The following SH3RF1 variants were observed in gnomAD, a reference collection of about 807,000 sequenced individuals.
The protein encoded by SH3RF1 is SH3 domain containing ring finger 1, also known as E3 ubiquitin-protein ligase SH3RF1.
SH3RF1 carries 32 observed loss-of-function variants against 74.0 expected under a neutral mutation model. That is an observed-to-expected ratio of 0.43 (90% CI 0.33 to 0.58). The LOEUF (loss-of-function observed/expected upper bound fraction) is 0.58, where lower values mean the gene tolerates loss of function less well. Among genes scored for constraint, SH3RF1 ranks in the 20% least tolerant of loss-of-function variants. SH3RF1 has a pLI of 0.05. For synonymous variants in SH3RF1, 396 were observed against 439.6 expected (o/e 0.90, Z 1.24); for missense variants, 954 against 1,130.9 (o/e 0.84, Z 2.24).
At chr4:169,149,739 A>C (rs576266977) in intron 4 of SH3RF1, among the ~76,000 whole-genome samples, 3 of 152,190 alleles carry the variant, frequency 2.0e-5, no homozygotes, top group Non-Finnish European at 4.4e-5. Context: ...AAAATAATAC[A>C]TCTAAAGGAA....
chr4:169,107,209 GA>G lies in SH3RF1; in HGVS notation c.2140-5del, dbSNP rs138002946. ...TCAACAAACCCTTTTTTTCTTTCTG[GA>G]AAAAAAAAATAATGAGCCTTAGTTG... On this transcript the variant is annotated splice_polypyrimidine_tract_variant and splice_region_variant and intron_variant, in intron 10 of 11. Transcript: ENST00000284637. 14,520 of 1,400,728 alleles carry G rather than the reference GA, an allele frequency of 0.01. 1,051 individuals carry two copies. In the African/African-American group the frequency reaches 0.17, roughly 17 times the overall value. The allele number at this position is 1,400,728 out of a possible 1,614,324, so 86.8% of individuals were successfully genotyped here.
At chr4:169,215,341 G>T (rs1284592233) in intron 2 of SH3RF1, among the ~76,000 whole-genome samples, 2 of 152,102 alleles carry the variant, frequency 1.3e-5, no homozygotes, top group African/African-American at 4.8e-5. Context: ...ATACATTGTT[G>T]CATTTGATTT....
At chr4:169,150,133 A>C (rs1733951531) in intron 4 of SH3RF1, among the ~76,000 whole-genome samples, 1 of 152,236 alleles carries the variant, frequency 6.6e-6, no homozygotes, top group African/African-American at 2.4e-5. Context: ...TGATTTGTCT[A>C]TGGTTGATTC....
At chr4:169,210,053 C>G (rs1730332888) in intron 2 of SH3RF1, among the ~76,000 whole-genome samples, 1 of 152,186 alleles carries the variant, frequency 6.6e-6, no homozygotes, top group African/African-American at 2.4e-5. Context: ...GTCTTGGCCT[C>G]CCAAAATGGT....
intron 2 of SH3RF1, among the ~76,000 whole-genome samples, chr4:169,237,037 T>C (rs1730833363): frequency 6.6e-6 from 1 of 152,166 alleles, no homozygotes; most frequent in Non-Finnish European, 1.5e-5. Context: ...CACGCTCCCT[T>C]CTCAATGAAC....
chr4:169,123,274 C>T (rs1733470455), intron 6 of SH3RF1, among the ~76,000 whole-genome samples: 1 of 152,182 alleles, frequency 6.6e-6, no homozygotes, highest in African/African-American at 2.4e-5. Context: ...ATTTCATCAC[C>T]ATTCACTATA....
chr4:169,169,109 C>T (rs978488276), intron 2 of SH3RF1, among the ~76,000 whole-genome samples: 14 of 152,106 alleles, frequency 9.2e-5, no homozygotes, highest in African/African-American at 3.4e-4. Context: ...GTGCATATTA[C>T]TGTTACTGTT....
At position 169,168,585 on chromosome 4, in the gene SH3RF1, TA is replaced by T. The variant is rs566327835; in HGVS notation, c.394-11907del. Reference sequence around the variant, plus strand: ...GTAAGTCTGATTGGAACTCGCTGAATAAAAAAATACAGGCTTAAACTCATGC... The same window carrying T: ...GTAAGTCTGATTGGAACTCGCTGAATAAAAAATACAGGCTTAAACTCATGC... On this transcript the variant is annotated intron_variant, in intron 2 of 11. Coordinates refer to ENST00000284637, the MANE Select transcript of SH3RF1 (RefSeq NM_020870.4). 2.4e-3 allele frequency among the ~76,000 whole-genome samples: 360 copies of T among 152,270 alleles called. 3 individuals are homozygous for T. The highest frequency in any genetic ancestry group is 8.2e-3 in the African/African-American group (339 of 41,566).
chr4:169,233,393 G>C (rs755741224), intron 2 of SH3RF1, among the ~76,000 whole-genome samples: 5 of 151,044 alleles, frequency 3.3e-5, no homozygotes, highest in Admixed American at 6.6e-5. Flanking sequence ...AAATTTCAAA[G>C]AATTAGAATA....
chr4:169,161,143 G>C (rs755747376), intron 2 of SH3RF1, among the ~76,000 whole-genome samples: 65 of 152,184 alleles, frequency 4.3e-4, no homozygotes, highest in Non-Finnish European at 9.3e-4. Flanking sequence ...CTTAAAAGGA[G>C]AGAAAGCCAA....
At chr4:169,156,078 C>G (rs1734045916) in intron 3 of SH3RF1, among the ~76,000 whole-genome samples, 1 of 152,286 alleles carries the variant, frequency 6.6e-6, no homozygotes, top group East Asian at 1.9e-4. Flanking sequence ...AATGACATTT[C>G]ATTTTGTTAT....
chr4:169,214,356 A>C (rs1730427757), intron 2 of SH3RF1, among the ~76,000 whole-genome samples: 1 of 152,236 alleles, frequency 6.6e-6, no homozygotes, highest in African/African-American at 2.4e-5. Flanking sequence ...CCATGCTTCC[A>C]GTACAGCCTG....
chr4:169,120,679 G>C lies in SH3RF1; in HGVS notation c.1517+140C>G, dbSNP rs1733422428. 3.6e-6 allele frequency: 3 copies of C among 841,286 alleles called. No individual in the cohort carries two copies. In the African/African-American group the frequency reaches 5.1e-5, roughly 14 times the overall value. 52.1% of individuals were successfully genotyped at this position (841,286 alleles called of 1,614,324 possible). On this transcript the variant is annotated intron_variant, in intron 8 of 11. Transcript: ENST00000284637. ...TTTAGAGTTAGAAGGGATTTTAGCA[G>C]ATGTAGACATGGATTTTTAAAACCT...
At chr4:169,268,557 A>G (rs1561069420) in intron 2 of SH3RF1, among the ~76,000 whole-genome samples, 1 of 152,210 alleles carries the variant, frequency 6.6e-6, no homozygotes, top group Non-Finnish European at 1.5e-5. Flanking sequence ...TTCATTCACT[A>G]ATTGCTACTT....
rs1002875827 is a variant in SH3RF1 at position 169,095,156 on chromosome 4, A to G, written c.*1363T>C. 4 of 152,646 alleles carry G rather than the reference A, an allele frequency of 2.6e-5. No individual in the cohort carries two copies. Among genetic ancestry groups the G allele is most frequent in the Admixed American group, 1.3e-4 (2 of 15,268 alleles). 9.5% of individuals were successfully genotyped at this position (152,646 alleles called of 1,614,324 possible). On this transcript the variant is annotated 3_prime_UTR_variant, in exon 12 of 12. Coordinates refer to ENST00000284637, the MANE Select transcript of SH3RF1 (RefSeq NM_020870.4). ...GGTGTGGGCAAATTCACTCCCACCAAGCCTTCCAGAGCTCCACAGTCACAG... is the reference window on the plus strand; with the variant it reads ...GGTGTGGGCAAATTCACTCCCACCAGGCCTTCCAGAGCTCCACAGTCACAG...
chr4:169,208,854 C>G (rs970306792), intron 2 of SH3RF1, among the ~76,000 whole-genome samples: 7 of 151,854 alleles, frequency 4.6e-5, no homozygotes, highest in South Asian at 2.1e-4. Flanking sequence ...CGCAGAAACC[C>G]CTGGGCATGA....
At chr4:169,193,911 C>T (rs1579130214) in intron 2 of SH3RF1, among the ~76,000 whole-genome samples, 1 of 152,276 alleles carries the variant, frequency 6.6e-6, no homozygotes, top group East Asian at 1.9e-4. Context: ...GTATTCTTTT[C>T]CTGCTTTTTC....
intron 2 of SH3RF1, among the ~76,000 whole-genome samples, chr4:169,241,233 A>T (rs1005203092): frequency 2.6e-5 from 4 of 152,316 alleles, no homozygotes; most frequent in East Asian, 1.9e-4. Context: ...CCGTCTCAAA[A>T]TAAATAAATA....
chr4:169,215,997 T>A (rs1050069445), intron 2 of SH3RF1, among the ~76,000 whole-genome samples: 7 of 152,012 alleles, frequency 4.6e-5, no homozygotes, highest in African/African-American at 1.5e-4. Context: ...AGAGACAAGG[T>A]TTTGTCCTGT....
Sources: gnomAD v4.1 joint callset for allele counts (sites outside exome capture counted in the v4.1 genomes callset) on GRCh38, gnomAD v4.1.1 for gene constraint, MANE v1.5 for transcripts, NCBI Gene and HGNC (gene_info 2026-07-23, HGNC 2026-07-21) for gene names.